PTPN4: variants seen among roughly 807,000 people sequenced by gnomAD.
The protein encoded by PTPN4 is tyrosine-protein phosphatase non-receptor type 4.
PTPN4 carries 49 observed loss-of-function variants against 135.5 expected under a neutral mutation model. That is an observed-to-expected ratio of 0.36 (90% CI 0.29 to 0.46). The LOEUF (loss-of-function observed/expected upper bound fraction) is 0.46. PTPN4 is among the 20% of genes least tolerant of loss of function. PTPN4 has a pLI of 1.00. For missense variants in PTPN4, 860 were observed against 1,101.0 expected (o/e 0.78, Z 3.10); for synonymous variants, 333 against 369.9 (o/e 0.90, Z 1.14).
intron 5 of PTPN4, among the ~76,000 whole-genome samples, chr2:119,879,047 C>T (rs1678029783): frequency 6.7e-6 from 1 of 148,638 alleles, no homozygotes; most frequent in African/African-American, 2.5e-5. Flanking sequence ...GAGCCGAGAT[C>T]ACGCCACTGC....
At chr2:119,869,724 CTT>C (rs2104992717) in intron 3 of PTPN4, among the ~76,000 whole-genome samples, 1 of 152,314 alleles carries the variant, frequency 6.6e-6, no homozygotes, top group Non-Finnish European at 1.5e-5. Context: ...CTTTCCTCCT[CTT>C]TCTGCCTACT....
intron 2 of PTPN4, among the ~76,000 whole-genome samples, chr2:119,858,987 T>G (rs1464392182): frequency 6.6e-6 from 1 of 152,178 alleles, no homozygotes; most frequent in Non-Finnish European, 1.5e-5. Context: ...TTCAGGTTCA[T>G]TGATTATTTT....
In PTPN4 at chr2:119,967,938, T is replaced by G; in HGVS notation, c.2660T>G (p.Met887Arg). Residue 887 changes from methionine to arginine, a missense_variant, in exon 26 of 27, where the codon ATG becomes AGG. Physicochemically the swap from Met to Arg is moderately conservative, Grantham distance 91. Transcript: ENST00000263708. ...TATCCACTAGATATTGTAAGAACAA[T>G]GAGAGATCAGCGAGCCATGATGATC... is the stretch of plus-strand genomic sequence containing the variant. Reference protein sequence around the residue: ...PVYPLDIVRTMRDQRAMMIQT... With the variant: ...PVYPLDIVRTRRDQRAMMIQT... The G allele has an allele frequency of 6.2e-7, 1 of 1,608,198 alleles. No individual in the cohort carries two copies. Among genetic ancestry groups the G allele is most frequent in the East Asian group, 2.2e-5 (1 of 44,750 alleles).
intron 1 of PTPN4, among the ~76,000 whole-genome samples, chr2:119,771,268 C>T (rs1267461112): frequency 3.3e-5 from 5 of 152,186 alleles, no homozygotes; most frequent in African/African-American, 1.2e-4. Context: ...TGCCAGATGA[C>T]ATCCAGTGCA....
chr2:119,854,673 T>C (rs1351887777), intron 2 of PTPN4, among the ~76,000 whole-genome samples: 2 of 152,198 alleles, frequency 1.3e-5, no homozygotes, highest in Non-Finnish European at 2.9e-5. Context: ...ATTTGAGTTA[T>C]AGTATTGAGT....
chr2:119,912,730 A>G (rs998428781), intron 10 of PTPN4, among the ~76,000 whole-genome samples: 6 of 152,166 alleles, frequency 3.9e-5, no homozygotes, highest in Non-Finnish European at 5.9e-5. Context: ...GATATAATCT[A>G]TGTACCATAA....
chr2:119,897,466 A>G (rs72971014), intron 9 of PTPN4, among the ~76,000 whole-genome samples: 3,843 of 152,260 alleles, frequency 0.025, 161 homozygotes, highest in African/African-American at 0.087. Flanking sequence ...GCTAGTTTCT[A>G]TATCTATATT....
At chr2:119,805,516 C>G (rs1691451971) in intron 1 of PTPN4, among the ~76,000 whole-genome samples, 1 of 152,094 alleles carries the variant, frequency 6.6e-6, no homozygotes, top group African/African-American at 2.4e-5. Context: ...TATGGCTAGC[C>G]AGTTTTCCCA....
At chr2:119,876,897 A>ATGTGTGTGTGTGTGTGTGTGTG (rs3835789) in intron 3 of PTPN4, among the ~76,000 whole-genome samples, 2 of 136,024 alleles carry the variant, frequency 1.5e-5, no homozygotes, top group Admixed American at 7.4e-5. Flanking sequence ...GCCCAAGAGC[A>ATGTGTGTGTGTGTGTGTGTGTG]TGTGTGTGTG....
At chr2:119,819,570 G>A (rs1160915669) in intron 2 of PTPN4, among the ~76,000 whole-genome samples, 2 of 151,990 alleles carry the variant, frequency 1.3e-5, no homozygotes, top group African/African-American at 2.4e-5. Flanking sequence ...TTATAAAATC[G>A]AAATGGCCCT....
At chr2:119,929,637 C>A (rs905804578) in intron 13 of PTPN4, among the ~76,000 whole-genome samples, 2 of 152,136 alleles carry the variant, frequency 1.3e-5, no homozygotes, top group African/African-American at 4.8e-5. Flanking sequence ...CGCAAACACA[C>A]TGATGCTGTG....
intron 3 of PTPN4, among the ~76,000 whole-genome samples, chr2:119,874,100 A>G (rs1372431661): frequency 6.6e-6 from 1 of 152,220 alleles, no homozygotes; most frequent in Admixed American, 6.5e-5. Flanking sequence ...TGGTATAGCT[A>G]TACAATGAAA....
chr2:119,822,144 A>T (rs1269084438), intron 2 of PTPN4, among the ~76,000 whole-genome samples: 1 of 152,122 alleles, frequency 6.6e-6, no homozygotes. Flanking sequence ...ACTGAGGGAC[A>T]CAACTGTTCC....
intron 15 of PTPN4, among the ~76,000 whole-genome samples, chr2:119,938,151 A>G (rs1679011893): frequency 7.4e-6 from 1 of 134,682 alleles, no homozygotes; most frequent in Non-Finnish European, 1.6e-5. Flanking sequence ...TTTTTGAGAC[A>G]AAGTCTCACT....
chr2:119,793,987 G>T (rs112894127), intron 1 of PTPN4, among the ~76,000 whole-genome samples: 14 of 150,668 alleles, frequency 9.3e-5, no homozygotes, highest in Non-Finnish European at 1.9e-4. Context: ...GGGATTACAG[G>T]TGCGTGCCAC....
At chr2:119,887,397 G>A (rs1033804559) in intron 9 of PTPN4, among the ~76,000 whole-genome samples, 2 of 152,166 alleles carry the variant, frequency 1.3e-5, no homozygotes, top group Non-Finnish European at 2.9e-5. Flanking sequence ...TGAGGCAGGA[G>A]GATCAGCTGA....
chr2:119,888,669 T>C (rs1456170092), intron 9 of PTPN4, among the ~76,000 whole-genome samples: 1 of 152,206 alleles, frequency 6.6e-6, no homozygotes, highest in Non-Finnish European at 1.5e-5. Flanking sequence ...ATTCCTGATA[T>C]AATGTATTGT....
chr2:119,859,334 T>C (rs1677725999), intron 2 of PTPN4, among the ~76,000 whole-genome samples: 1 of 152,214 alleles, frequency 6.6e-6, no homozygotes. Context: ...TCTCAGACAT[T>C]TGAGACATTT....
At chr2:119,836,480 G>A (rs532599911) in intron 2 of PTPN4, among the ~76,000 whole-genome samples, 6 of 152,338 alleles carry the variant, frequency 3.9e-5, no homozygotes, top group African/African-American at 1.2e-4. Context: ...TGGAGCGGCC[G>A]CTGCAAAGAC....
Sources: gnomAD v4.1 joint callset for allele counts (sites outside exome capture counted in the v4.1 genomes callset) on GRCh38, gnomAD v4.1.1 for gene constraint, MANE v1.5 for transcripts, NCBI Gene and HGNC (gene_info 2026-07-23, HGNC 2026-07-21) for gene names.